RBBP8NL: variants seen among roughly 807,000 people sequenced by gnomAD.
RBBP8NL encodes RBBP8 N-terminal like.
Under a neutral mutation model 62.2 loss-of-function variants are expected in RBBP8NL, and 59 were observed. The ratio of observed to expected loss-of-function variants is 0.95; its 90% CI spans 0.77 to 1.18. The LOEUF is 1.18. Among genes scored for constraint, RBBP8NL ranks in the 50% most tolerant of loss-of-function variants. The pLI is 0.00. For synonymous variants in RBBP8NL, 412 were observed against 394.1 expected, an observed-to-expected ratio of 1.05 and a Z score of -0.54; for missense variants, 896 against 899.5, an observed-to-expected ratio of 1.00 and a Z score of 0.05.
rs557941019 is a variant in RBBP8NL at position 62,422,025 on chromosome 20, C to A, written c.-83-2295G>T. 3.9e-5 allele frequency among the ~76,000 whole-genome samples: 6 copies of A among 152,298 alleles called. No homozygotes were observed. In the South Asian group the frequency reaches 1.2e-3, roughly 32 times the overall value. Reference sequence around the variant, plus strand: ...GGCCTCCTGCTCAACCTTCCCTGAACCCCCTGCCTCCCCCCATCTCTTCCA... The same window carrying A: ...GGCCTCCTGCTCAACCTTCCCTGAAACCCCTGCCTCCCCCCATCTCTTCCA... On this transcript the variant is annotated intron_variant, in intron 1 of 13. Transcript: ENST00000252998.
Position 62,417,338 on chromosome 20 carries a change from A to C in RBBP8NL, c.105-19T>G. 6.4e-7 allele frequency: 1 copy of C among 1,559,720 alleles called. No homozygotes were observed. Reference sequence around the variant, plus strand: ...GGCGTCCCTGTGGTGGGAAACAGCTAAAGTGGGGTCCTGTTCCATCCAGGA... The same window carrying C: ...GGCGTCCCTGTGGTGGGAAACAGCTCAAGTGGGGTCCTGTTCCATCCAGGA... On this transcript the variant is annotated intron_variant, in intron 3 of 13. Coordinates refer to ENST00000252998, the MANE Select transcript of RBBP8NL (RefSeq NM_080833.3).
chr20:62,415,283 G>A lies in RBBP8NL; in HGVS notation c.632C>T (p.Pro211Leu), dbSNP rs1356848281. Residue 211 changes from proline to leucine, a missense_variant, in exon 9 of 14, where the codon CCC becomes CTC. Coordinates refer to ENST00000252998, the MANE Select transcript of RBBP8NL (RefSeq NM_080833.3). Reference protein sequence around the residue: ...LPESRAPDMSPQRISNQLHGT... With the variant: ...LPESRAPDMSLQRISNQLHGT... ...GTGCAGCTGGTTGGAGATGCGCTGGGGGCTCTGTGAGGATGGGTGGGTCAG... is the reference window on the plus strand; with the variant it reads ...GTGCAGCTGGTTGGAGATGCGCTGGAGGCTCTGTGAGGATGGGTGGGTCAG... The A allele has an allele frequency of 6.4e-7, 1 of 1,570,568 alleles. No homozygotes were observed. The highest frequency in any genetic ancestry group is 1.3e-5 in the African/African-American group (1 of 74,460).
intron 9 of RBBP8NL, among the ~76,000 whole-genome samples, 199 bp downstream of exon 9, chr20:62,414,922 T>A (rs931666163): frequency 4.6e-5 from 7 of 152,142 alleles, no homozygotes; most frequent in African/African-American, 1.4e-4. Flanking sequence ...AATGTCCACA[T>A]CCCCTGCCCC....
At chr20:62,424,611 C>G (rs1020313897) in intron 1 of RBBP8NL, among the ~76,000 whole-genome samples, 1 of 152,196 alleles carries the variant, frequency 6.6e-6, no homozygotes, top group Non-Finnish European at 1.5e-5. Context: ...ATCCCCCGGA[C>G]AGGGCCCAGG....
chr20:62,423,746 C>T (rs1988754414), intron 1 of RBBP8NL, among the ~76,000 whole-genome samples: 1 of 152,158 alleles, frequency 6.6e-6, no homozygotes, highest in African/African-American at 2.4e-5. Flanking sequence ...CCGAAACCAC[C>T]TGCAGCACTC....
Position 62,412,662 on chromosome 20 carries a change from G to A in RBBP8NL, c.1838C>T (p.Pro613Leu). 6.2e-7 allele frequency: 1 copy of A among 1,607,712 alleles called. No homozygotes were observed. The highest frequency in any genetic ancestry group is 1.1e-5 in the South Asian group (1 of 91,070). The change falls in exon 13 of 14, where the codon CCA becomes CTA. Residue 613 changes from proline to leucine, a missense_variant. Pro to Leu is a moderately conservative substitution (Grantham distance 98, BLOSUM62 -3). Coordinates refer to ENST00000252998, the MANE Select transcript of RBBP8NL (RefSeq NM_080833.3). ...ICTQEHGQGP[P>L]RKRKRASEPG... Reference sequence around the variant, plus strand: ...CTCCGAGGCCCGCTTCCTCTTCCGTGGTGGACCCTGCCCGTGCTCCTGGGT... The same window carrying A: ...CTCCGAGGCCCGCTTCCTCTTCCGTAGTGGACCCTGCCCGTGCTCCTGGGT...
chr20:62,420,210 T>G (rs2427326), intron 1 of RBBP8NL, among the ~76,000 whole-genome samples: 98,997 of 151,914 alleles, frequency 0.65, 32,531 homozygotes, highest in African/African-American at 0.76. Flanking sequence ...CCACAGACCC[T>G]ACCATGCCAC....
chr20:62,424,458 C>A (rs1294735219), intron 1 of RBBP8NL, among the ~76,000 whole-genome samples: 1 of 152,206 alleles, frequency 6.6e-6, no homozygotes, highest in Non-Finnish European at 1.5e-5. Flanking sequence ...TCAGCTAACC[C>A]AGGCCGGCAG....
intron 13 of RBBP8NL, among the ~76,000 whole-genome samples, chr20:62,411,704 TCAGGAGCC>T (rs1988437903): frequency 1.3e-5 from 2 of 152,358 alleles, no homozygotes; most frequent in East Asian, 3.9e-4. Flanking sequence ...CAGCAGTTTC[TCAGGAGCC>T]CCTGCCAGCG....
chr20:62,427,114 C>T (rs920283387), intron 1 of RBBP8NL, among the ~76,000 whole-genome samples: 3 of 152,194 alleles, frequency 2.0e-5, no homozygotes, highest in Admixed American at 6.5e-5. Flanking sequence ...GATGGTGGGG[C>T]GGGACAGGCC....
chr20:62,412,697 C>A lies in RBBP8NL; in HGVS notation c.1803G>T (p.Glu601Asp), dbSNP rs1208537785. 1 of 1,609,772 alleles carries A rather than the reference C, an allele frequency of 6.2e-7. No individual in the cohort carries two copies. Among genetic ancestry groups the A allele is most frequent in the East Asian group, 2.2e-5 (1 of 44,888 alleles). Residue 601 changes from glutamate to aspartate, a missense_variant, in exon 13 of 14, where the codon GAG becomes GAT. Physicochemically the swap from Glu to Asp is conservative, Grantham distance 45. Coordinates refer to ENST00000252998, the MANE Select transcript of RBBP8NL (RefSeq NM_080833.3). ...ATTSTTGEGP[E>D]CICTQEHGQG... ...GCCCGTGCTCCTGGGTGCAGATGCA[C>A]TCAGGCCCCTCCCCGGTCGTGCTCG... is the stretch of plus-strand genomic sequence containing the variant.
At position 62,414,322 on chromosome 20, in the gene RBBP8NL, C is replaced by A; in HGVS notation, c.1029G>T (p.Leu343=). 1.3e-6 allele frequency: 2 copies of A among 1,561,116 alleles called. No individual in the cohort carries two copies. The highest frequency in any genetic ancestry group is 1.8e-4 in the Middle Eastern group (1 of 5,674). The change falls in exon 10 of 14, where the codon CTG becomes CTT. Residue 343 remains leucine (L), a synonymous_variant. Transcript: ENST00000252998. ...CCAGGCGAAGGTCCTGCATGCCCGC[C>A]AGGGCACTGGGCAGCCCCAGCAGTT... The part of the protein sequence containing the change: ...PTELLGLPSA[L]AGMQDLRLEG...
chr20:62,411,093 G>C (rs546890830), intron 13 of RBBP8NL, 97 bp from the exon 14 acceptor site: 3 of 771,502 alleles, frequency 3.9e-6, no homozygotes, highest in Admixed American at 2.2e-5. Flanking sequence ...CTCTGGGCAC[G>C]GGGAGCTGGG....
chr20:62,413,441 C>A lies in RBBP8NL; in HGVS notation c.1635G>T (p.Pro545=), dbSNP rs369255991. 1 of 1,457,328 alleles carries A rather than the reference C, an allele frequency of 6.9e-7. No homozygotes were observed. The highest frequency in any genetic ancestry group is 9.0e-7 in the Non-Finnish European group (1 of 1,106,354). 90.3% of individuals were successfully genotyped at this position (1,457,328 alleles called of 1,614,324 possible). Residue 545 remains proline (P), a synonymous_variant, in exon 11 of 14, where the codon CCG becomes CCT. Transcript: ENST00000252998. ...GRPLPPPHPQ[P]PPHPQPPDLD... ...GGTCAGGCGGCTGTGGGTGGGGAGGCGGCTGTGGGTGGGGAGGTGGCAGAG... is the reference window on the plus strand; with the variant it reads ...GGTCAGGCGGCTGTGGGTGGGGAGGAGGCTGTGGGTGGGGAGGTGGCAGAG...
In RBBP8NL at chr20:62,410,462, C is replaced by A. The variant is rs1423104046; in HGVS notation, c.*416G>T. The A allele has an allele frequency of 1.1e-5, 2 of 180,704 alleles. No individual in the cohort carries two copies. The allele number at this position is 180,704 out of a possible 1,614,324, so 11.2% of individuals were successfully genotyped here. A position where few individuals can be genotyped will look rare whatever the true frequency, so the allele number is the denominator to read the frequency against. On this transcript the variant is annotated 3_prime_UTR_variant, in exon 14 of 14. Transcript: ENST00000252998. ...GCCTGGGAACGGCTGCAGTGCACAG[C>A]AGGGGTAGGGCTGGGCTGGAGCCTG...
chr20:62,416,834 T>C lies in RBBP8NL; in HGVS notation c.239A>G (p.Gln80Arg), dbSNP rs1988579169. 3 of 1,581,792 alleles carry C rather than the reference T, an allele frequency of 1.9e-6. No individual in the cohort carries two copies. The highest frequency in any genetic ancestry group is 2.3e-5 in the South Asian group (2 of 86,920). Residue 80 changes from glutamine (Q) to arginine (R), a missense_variant, in exon 5 of 14, where the codon CAG becomes CGG. By Grantham distance (43) the Gln-to-Arg change is conservative. Coordinates refer to ENST00000252998, the MANE Select transcript of RBBP8NL (RefSeq NM_080833.3). ...CTGCTGCCGCTTCCTGGCCAGCTCC[T>C]GGGTGACCATGCAGCGGTCGCACAG... The part of the protein sequence containing the change: ...AGLCDRCMVT[Q>R]ELARKRQQEF...
chr20:62,421,208 G>A (rs1297980819), intron 1 of RBBP8NL, among the ~76,000 whole-genome samples: 1 of 152,166 alleles, frequency 6.6e-6, no homozygotes, highest in Non-Finnish European at 1.5e-5. Flanking sequence ...GGGTGGGGGA[G>A]TGTGTGTGTT....
intron 1 of RBBP8NL, among the ~76,000 whole-genome samples, chr20:62,422,563 G>A (rs1258357658): frequency 7.3e-6 from 1 of 137,564 alleles, no homozygotes; most frequent in Non-Finnish European, 1.5e-5. Flanking sequence ...TGGGGACGGG[G>A]ACTGGGGTGG....
At chr20:62,425,392 C>G (rs1302714482) in intron 1 of RBBP8NL, among the ~76,000 whole-genome samples, 1 of 152,212 alleles carries the variant, frequency 6.6e-6, no homozygotes, top group African/African-American at 2.4e-5. Flanking sequence ...GACACTCATC[C>G]TTGGACGGCT....
Sources: gnomAD v4.1 joint callset for allele counts (sites outside exome capture counted in the v4.1 genomes callset) on GRCh38, gnomAD v4.1.1 for gene constraint, MANE v1.5 for transcripts, NCBI Gene and HGNC (gene_info 2026-07-23, HGNC 2026-07-21) for gene names.